Variants in FANK1 observed in about 807,000 individuals in gnomAD.
FANK1 encodes fibronectin type III and ankyrin repeat domains 1, also known as fibronectin type 3 and ankyrin repeat domains protein 1.
Under a neutral mutation model 45.3 loss-of-function variants are expected in FANK1, and 44 were observed. The observed-to-expected ratio is 0.97, with a 90% CI of 0.76 to 1.25. The LOEUF is 1.25. FANK1 is among the 50% of genes most tolerant of loss of function. The probability of loss-of-function intolerance (pLI) is 0.00; values close to 1 mark genes in which losing one functional copy is unlikely to be tolerated. For missense variants in FANK1, 391 were observed against 424.4 expected (o/e 0.92, Z 0.69); for synonymous variants, 149 against 152.5 (o/e 0.98, Z 0.17).
At chr10:126,001,577 T>C (rs1260553837) in intron 6 of FANK1, among the ~76,000 whole-genome samples, 1 of 152,118 alleles carries the variant, frequency 6.6e-6, no homozygotes, top group Non-Finnish European at 1.5e-5. Flanking sequence ...TCCTGGCCAC[T>C]CTCCCCTTCT....
At chr10:125,910,250 G>C (rs1945881653) in intron 1 of FANK1, among the ~76,000 whole-genome samples, 1 of 152,118 alleles carries the variant, frequency 6.6e-6, no homozygotes, top group African/African-American at 2.4e-5. Flanking sequence ...AAATTGTACA[G>C]CTCTAGCATA....
rs1453883780 is a variant in FANK1 at position 125,983,606 on chromosome 10, A to G, written c.191+3268A>G. ...CTGGAGCCTTGCAACTATCTGGGGG[A>G]AGAACCTTCCAGACATAGCAAAGGG... On this transcript the variant is annotated intron_variant, in intron 2 of 10. Transcript: ENST00000368693. This position sits in a 1 kb window ranked among gnomAD's most constrained non-coding sequence, Gnocchi z 4.3. Among the ~76,000 whole-genome samples the G allele has an allele frequency of 6.6e-6, 1 of 152,136 alleles. No individual in the cohort carries two copies. The highest frequency in any genetic ancestry group is 2.4e-5 in the African/African-American group (1 of 41,428).
intron 1 of FANK1, among the ~76,000 whole-genome samples, chr10:125,961,529 C>T (rs1230399020): frequency 1.3e-5 from 2 of 152,124 alleles, no homozygotes; most frequent in East Asian, 3.9e-4. Flanking sequence ...AGACCCTCAC[C>T]TCTCACCCTA....
rs1261783844 is a variant in FANK1 at position 125,912,440 on chromosome 10, C to T, written c.13+15785C>T. Among the ~76,000 whole-genome samples the T allele has an allele frequency of 3.8e-5, 5 of 132,058 alleles. No homozygotes were observed. The South Asian group carries it at 1.1e-3, about 28-fold the overall frequency. 86.6% of individuals were successfully genotyped at this position (132,058 alleles called of 152,430 possible). The stretch of plus-strand genomic sequence containing the variant: ...TTTGTTTCCTTTTTATTGGCACCAC[C>T]AAAGTGTGTGTGTGTGTGTGTGTGT... On this transcript the variant is annotated intron_variant, in intron 1 of 10. Coordinates refer to ENST00000368693, the MANE Select transcript of FANK1 (RefSeq NM_145235.5).
intron 1 of FANK1, among the ~76,000 whole-genome samples, chr10:125,967,292 G>A (rs10901487): frequency 0.36 from 54,281 of 151,738 alleles, 9,970 homozygotes; most frequent in South Asian, 0.42. Context: ...TCTGCTGCTT[G>A]TTGCATGGAC....
intron 1 of FANK1, among the ~76,000 whole-genome samples, chr10:125,916,618 T>C (rs1946469646): frequency 6.6e-6 from 1 of 152,202 alleles, no homozygotes; most frequent in African/African-American, 2.4e-5. Flanking sequence ...ATATACACTA[T>C]ATGCAGTAGA....
intron 5 of FANK1, among the ~76,000 whole-genome samples, chr10:125,997,145 A>G (rs1952393929): frequency 6.6e-6 from 1 of 152,220 alleles, no homozygotes; most frequent in South Asian, 2.1e-4. Flanking sequence ...TTCAAAGGAC[A>G]GCGAATTATT....
chr10:125,969,671 G>C (rs990614671), intron 1 of FANK1, among the ~76,000 whole-genome samples: 1 of 151,816 alleles, frequency 6.6e-6, no homozygotes, highest in African/African-American at 2.4e-5. Flanking sequence ...GTGTTTCTCG[G>C]AGAGGGGGAT....
Position 125,980,218 on chromosome 10 carries a change from G to A in FANK1, c.71G>A (p.Ser24Asn). The change falls in exon 2 of 11, where the codon AGC becomes AAC. Residue 24 changes from serine (S) to asparagine (N), a missense_variant. Ser to Asn is a conservative substitution (Grantham distance 46, BLOSUM62 1). Coordinates refer to ENST00000368693, the MANE Select transcript of FANK1 (RefSeq NM_145235.5). ...GTCGTGGGCAAAGTGACTCATCACA[G>A]CATTGAATTATACTGGGATCTGGAA... is the stretch of plus-strand genomic sequence containing the variant. ...PPVVGKVTHHSIELYWDLEKK... is the reference protein window; with the variant it reads ...PPVVGKVTHHNIELYWDLEKK... 6.2e-7 allele frequency: 1 copy of A among 1,614,100 alleles called. No individual in the cohort carries two copies. The highest frequency in any genetic ancestry group is 8.5e-7 in the Non-Finnish European group (1 of 1,180,020).
chr10:125,969,511 A>G (rs1023457883), intron 1 of FANK1, among the ~76,000 whole-genome samples: 1 of 152,252 alleles, frequency 6.6e-6, no homozygotes, highest in African/African-American at 2.4e-5. Flanking sequence ...TAGAGCATCT[A>G]TAAAAACAGT....
At chr10:125,901,207 C>A (rs1209190512) in intron 1 of FANK1, among the ~76,000 whole-genome samples, 2 of 152,168 alleles carry the variant, frequency 1.3e-5, no homozygotes, top group African/African-American at 4.8e-5. Context: ...TGTTTCTCCA[C>A]TAGTCTTCCA....
At chr10:125,971,300 C>G (rs1950498452) in intron 1 of FANK1, among the ~76,000 whole-genome samples, 1 of 152,012 alleles carries the variant, frequency 6.6e-6, no homozygotes, top group South Asian at 2.1e-4. Context: ...AAACATCAGT[C>G]AAACTCTCTG....
At chr10:125,918,180 A>G (rs1239728839) in intron 1 of FANK1, among the ~76,000 whole-genome samples, 168 of 152,378 alleles carry the variant, frequency 1.1e-3, no homozygotes, top group African/African-American at 3.9e-3. Flanking sequence ...CTTCGGGATG[A>G]TGAAAATGTT....
chr10:125,948,054 C>T (rs1179893543), intron 1 of FANK1, among the ~76,000 whole-genome samples: 14 of 149,676 alleles, frequency 9.4e-5, no homozygotes, highest in Non-Finnish European at 2.1e-4. Flanking sequence ...TAAAGATGTT[C>T]TTTGAAACCA....
intron 1 of FANK1, among the ~76,000 whole-genome samples, chr10:125,920,665 C>A (rs1461481507): frequency 1.3e-5 from 2 of 152,082 alleles, no homozygotes; most frequent in African/African-American, 4.8e-5. Context: ...TGCTGTTGAC[C>A]CAGAGGAACC....
intron 1 of FANK1, among the ~76,000 whole-genome samples, chr10:125,940,754 C>G (rs1948400849): frequency 6.6e-6 from 1 of 152,200 alleles, no homozygotes; most frequent in Non-Finnish European, 1.5e-5. Flanking sequence ...AGTACCCAGG[C>G]TTTCTTGGGC....
At chr10:125,984,436 T>C (rs1951425377) in intron 2 of FANK1, among the ~76,000 whole-genome samples, 1 of 152,186 alleles carries the variant, frequency 6.6e-6, no homozygotes. Context: ...GGAGGGCACC[T>C]TGTGTCTCTG....
At chr10:125,946,485 A>T (rs1292341021) in intron 1 of FANK1, among the ~76,000 whole-genome samples, 1 of 152,202 alleles carries the variant, frequency 6.6e-6, no homozygotes, top group Admixed American at 6.5e-5. Flanking sequence ...AGCTGATGTG[A>T]TCAACTGGAA....
At chr10:125,960,727 C>T (rs1311002338) in intron 1 of FANK1, among the ~76,000 whole-genome samples, 2 of 152,128 alleles carry the variant, frequency 1.3e-5, no homozygotes, top group Non-Finnish European at 1.5e-5. Context: ...ACAAAAAATA[C>T]AGTTTCACTG....
Sources: allele counts gnomAD v4.1 joint callset (sites outside exome capture counted in the v4.1 genomes callset), GRCh38; gene constraint gnomAD v4.1.1; non-coding constraint Gnocchi (gnomAD v3.1); transcripts MANE v1.5; gene names NCBI Gene and HGNC (gene_info 2026-07-23, HGNC 2026-07-21).